Variants in ZNF831 observed in about 807,000 individuals in gnomAD.
The protein encoded by ZNF831 is chromosome 20 open reading frame 174.
ZNF831 carries 59 observed loss-of-function variants against 95.8 expected under a neutral mutation model. The observed-to-expected ratio is 0.62, with a 90% CI of 0.50 to 0.77. The LOEUF (loss-of-function observed/expected upper bound fraction) is 0.77. Ranked by LOEUF, ZNF831 falls within the 30% of genes least tolerant of loss-of-function variation. ZNF831 has a pLI of 0.00. For synonymous variants in ZNF831, 961 were observed against 925.5 expected, an observed-to-expected ratio of 1.04 and a Z score of -0.70; for missense variants, 2,205 against 2,164.0, an observed-to-expected ratio of 1.02 and a Z score of -0.38.
intron 1 of ZNF831, among the ~76,000 whole-genome samples, chr20:59,164,841 G>C (rs1464395107): frequency 6.6e-6 from 1 of 152,286 alleles, no homozygotes; most frequent in African/African-American, 2.4e-5. Flanking sequence ...GAGAGGTAAC[G>C]TGTTTCTCCT....
chr20:59,213,879 C>T (rs1190851703), intron 4 of ZNF831, among the ~76,000 whole-genome samples: 5 of 152,114 alleles, frequency 3.3e-5, no homozygotes, highest in Admixed American at 6.5e-5. Flanking sequence ...AACCGAACTG[C>T]GAATGTCCTT....
rs1221939395 is a variant in ZNF831, at chr20:59,256,653, C to G, written c.*1910C>G. The G allele has an allele frequency of 6.6e-6, 1 of 152,258 alleles. No individual in the cohort carries two copies. Among genetic ancestry groups the G allele is most frequent in the African/African-American group, 2.4e-5 (1 of 41,464 alleles). The allele number at this position is 152,258 out of a possible 1,614,324, so 9.4% of individuals were successfully genotyped here. ...GAGAATGGTTGATAGAGAAGCTGCT[C>G]TCTCCTTAAAATGCATGGACTCAAT... is the stretch of plus-strand genomic sequence containing the variant. On this transcript the variant is annotated 3_prime_UTR_variant, in exon 6 of 6. Coordinates refer to ENST00000371030, the MANE Select transcript of ZNF831 (RefSeq NM_178457.3).
chr20:59,247,543 A>G (rs1445143431), intron 4 of ZNF831, among the ~76,000 whole-genome samples: 1 of 152,230 alleles, frequency 6.6e-6, no homozygotes, highest in Non-Finnish European at 1.5e-5. Flanking sequence ...AACTGTCCAC[A>G]AAGTTATTAC....
intron 4 of ZNF831, among the ~76,000 whole-genome samples, chr20:59,237,491 TG>T (rs1166843858): frequency 1.3e-5 from 2 of 152,090 alleles, no homozygotes; most frequent in African/African-American, 4.8e-5. Flanking sequence ...GAATTACAGG[TG>T]CCCTCCACCA....
chr20:59,174,075 A>G (rs2146500971), intron 1 of ZNF831, among the ~76,000 whole-genome samples: 1 of 152,276 alleles, frequency 6.6e-6, no homozygotes, highest in East Asian at 1.9e-4. Flanking sequence ...ATAGCAGACC[A>G]TGCACAAGCA....
chr20:59,235,942 C>T (rs7271452), intron 4 of ZNF831, among the ~76,000 whole-genome samples: 12,738 of 152,134 alleles, frequency 0.084, 1,389 homozygotes, highest in African/African-American at 0.26. Flanking sequence ...AGAAATATTT[C>T]CAAGGTAAAT....
rs549925307 is a variant in ZNF831, at chr20:59,187,467, C to A, written c.-36-3517C>A. Among the ~76,000 whole-genome samples, 8 of 152,284 alleles carry A rather than the reference C, an allele frequency of 5.3e-5. No homozygotes were observed. In the South Asian group the frequency reaches 1.7e-3, roughly 32 times the overall value. ...AACCTGTCTTGGACTTAAACTTGAT[C>A]TTGAACTTCCCGTCTCCAGAGCTGT... On this transcript the variant is annotated intron_variant, in intron 1 of 5. Coordinates refer to ENST00000371030, the MANE Select transcript of ZNF831 (RefSeq NM_178457.3).
rs1342913656 is a variant in ZNF831 at position 59,254,160 on chromosome 20, A to G, written c.4451A>G (p.His1484Arg). Residue 1484 changes from histidine (H) to arginine (R), a missense_variant, in exon 6 of 6, where the codon CAT (histidine) becomes CGT (arginine). Physicochemically the swap from His to Arg is conservative, Grantham distance 29 (BLOSUM62 0). Coordinates refer to ENST00000371030, the MANE Select transcript of ZNF831 (RefSeq NM_178457.3). This position sits in a 1 kb window ranked among gnomAD's most constrained non-coding sequence, Gnocchi z 4.5. ...GGGTCCAAAGGAACTTTTCCCCACCATGACATTGCTACCTCTGTGGCTGCC... is the reference window on the plus strand; with the variant it reads ...GGGTCCAAAGGAACTTTTCCCCACCGTGACATTGCTACCTCTGTGGCTGCC... ...SFGSKGTFPH[H>R]DIATSVAAVC... 3 of 1,613,738 alleles carry G rather than the reference A, an allele frequency of 1.9e-6. No homozygotes were observed. The African/African-American group carries it at 4.0e-5, about 22-fold the overall frequency.
intron 1 of ZNF831, among the ~76,000 whole-genome samples, chr20:59,124,609 C>G (rs181825511): frequency 6.6e-6 from 1 of 152,176 alleles, no homozygotes; most frequent in Non-Finnish European, 1.5e-5. Flanking sequence ...TGTCCAGGAT[C>G]GTTGCTGTCT....
chr20:59,206,607 C>T (rs771024517), intron 3 of ZNF831, among the ~76,000 whole-genome samples: 18 of 152,252 alleles, frequency 1.2e-4, no homozygotes, highest in Non-Finnish European at 2.1e-4. Context: ...GTCAAGACCA[C>T]GTAGCTTAAA....
At chr20:59,173,802 C>T (rs1043490547) in intron 1 of ZNF831, among the ~76,000 whole-genome samples, 1 of 152,102 alleles carries the variant, frequency 6.6e-6, no homozygotes, top group African/African-American at 2.4e-5. Context: ...AGAAACCACC[C>T]AGTGGGTTAT....
At position 59,193,505 on chromosome 20, in the gene ZNF831, A is replaced by C. The variant is rs2146584574; in HGVS notation, c.2486A>C (p.Asp829Ala). ...GAGAGGAAGAAGCTGAAAGTGGAGG[A>C]CCTGCACAGCTGGAAGCAACCAGAG... ...PSERKKLKVE[D>A]LHSWKQPEPV... The change falls in exon 2 of 6, where the codon GAC (aspartate) becomes GCC (alanine). Residue 829 changes from aspartate to alanine, a missense_variant. Asp to Ala is a moderately radical substitution (Grantham distance 126). Coordinates refer to ENST00000371030, the MANE Select transcript of ZNF831 (RefSeq NM_178457.3). 6.2e-7 allele frequency: 1 copy of C among 1,610,438 alleles called. No individual in the cohort carries two copies. The highest frequency in any genetic ancestry group is 1.3e-5 in the African/African-American group (1 of 74,966).
At chr20:59,218,685 G>A (rs1047468317) in intron 4 of ZNF831, among the ~76,000 whole-genome samples, 2 of 151,936 alleles carry the variant, frequency 1.3e-5, no homozygotes, top group African/African-American at 2.4e-5. Context: ...CTGTCACTGG[G>A]GATGTTGAGC....
intron 1 of ZNF831, among the ~76,000 whole-genome samples, chr20:59,182,280 G>A (rs1034003714): frequency 6.6e-6 from 1 of 152,062 alleles, no homozygotes; most frequent in Non-Finnish European, 1.5e-5. Context: ...AATACTGATG[G>A]GCTTGGGAAA....
At position 59,252,603 on chromosome 20, in the gene ZNF831, C is replaced by T. The variant is rs1312367330; in HGVS notation, c.4028-375C>T. Among the ~76,000 whole-genome samples the T allele has an allele frequency of 4.6e-5, 7 of 151,954 alleles. No individual in the cohort carries two copies. The South Asian group carries it at 8.4e-4, about 18-fold the overall frequency. On this transcript the variant is annotated intron_variant, in intron 4 of 5. Coordinates refer to ENST00000371030, the MANE Select transcript of ZNF831 (RefSeq NM_178457.3). Reference sequence around the variant, plus strand: ...GGTTCCCACCATGCATCGAGTGAAACGTCTATTCTGACTACTTGGTAGTAT... The same window carrying T: ...GGTTCCCACCATGCATCGAGTGAAATGTCTATTCTGACTACTTGGTAGTAT...
chr20:59,210,581 C>T (rs1425923695), intron 4 of ZNF831, among the ~76,000 whole-genome samples: 1 of 152,194 alleles, frequency 6.6e-6, no homozygotes, highest in African/African-American at 2.4e-5. Flanking sequence ...GCAGCTTATC[C>T]TGCATGCTCA....
At chr20:59,158,701 G>T (rs1368782077) in intron 2 of ZNF831, among the ~76,000 whole-genome samples, 1 of 152,150 alleles carries the variant, frequency 6.6e-6, no homozygotes, top group African/African-American at 2.4e-5. Flanking sequence ...CTTTTGTTTG[G>T]TTTTTAACTT....
chr20:59,137,568 G>T (rs534964055), intron 1 of ZNF831, among the ~76,000 whole-genome samples: 1 of 152,206 alleles, frequency 6.6e-6, no homozygotes, highest in Non-Finnish European at 1.5e-5. Flanking sequence ...TTCCGTAGAA[G>T]TTGAGCTGAC....
intron 1 of ZNF831, among the ~76,000 whole-genome samples, chr20:59,187,738 T>C (rs1203201383): frequency 6.6e-6 from 1 of 152,244 alleles, no homozygotes; most frequent in East Asian, 1.9e-4. Context: ...CTACCACCTC[T>C]GTCTGGTTCC....
Sources: gnomAD v4.1 joint callset for allele counts (sites outside exome capture counted in the v4.1 genomes callset) on GRCh38, gnomAD v4.1.1 for gene constraint, Gnocchi (gnomAD v3.1) non-coding constraint, MANE v1.5 for transcripts, NCBI Gene and HGNC (gene_info 2026-07-23, HGNC 2026-07-21) for gene names.